AFF2: variants seen among roughly 807,000 people sequenced by gnomAD.
AFF2 encodes ALF transcription elongation factor 2, also known as AF4/FMR2 family member 2.
A neutral mutation model predicts 76.9 loss-of-function variants in AFF2; 14 were observed. That is an observed-to-expected ratio of 0.18 (90% CI 0.12 to 0.28). The LOEUF is 0.28. Among genes scored for constraint, AFF2 ranks in the 10% least tolerant of loss-of-function variants. The pLI, the probability that AFF2 is intolerant of heterozygous loss-of-function variation, is 1.00. For missense variants in AFF2, 868 were observed against 1,001.1 expected, an observed-to-expected ratio of 0.87 and a Z score of 1.79; for synonymous variants, 398 against 366.7, an observed-to-expected ratio of 1.09 and a Z score of -0.98.
intron 12 of AFF2, 97 bp from the exon 13 acceptor site, chrX:148,962,618 A>T (rs2072122290): frequency 1.4e-6 from 1 of 708,982 alleles, no homozygotes; most frequent in Non-Finnish European, 2.1e-6. Flanking sequence ...GACAGCAATT[A>T]AAATATGACT....
chrX:148,933,722 G>A (rs1372006980), intron 9 of AFF2, among the ~76,000 whole-genome samples: 6 of 112,060 alleles, frequency 5.4e-5, no homozygotes, highest in African/African-American at 1.9e-4. Context: ...TATTAGCTGA[G>A]TCATTTACTA....
chrX:148,715,741 A>G (rs1282259219), intron 3 of AFF2, among the ~76,000 whole-genome samples: 2 of 112,414 alleles, frequency 1.8e-5, no homozygotes, highest in Non-Finnish European at 1.9e-5. Context: ...AGTCAAGTTC[A>G]GATACACTTA....
intron 7 of AFF2, among the ~76,000 whole-genome samples, chrX:148,867,116 G>C (rs782411645): frequency 8.9e-6 from 1 of 112,379 alleles, no homozygotes; most frequent in Admixed American, 9.4e-5. Flanking sequence ...AGAACAAGTG[G>C]GATGGTGGGC....
At chrX:148,987,289 C>T in intron 19 of AFF2, 78 bp from the exon 20 acceptor site, 4 of 917,284 alleles carry the variant, frequency 4.4e-6, no homozygotes, top group South Asian at 2.3e-5. Context: ...GAGATCCCAG[C>T]GTGATGGGGA....
intron 4 of AFF2, among the ~76,000 whole-genome samples, chrX:148,818,169 T>C (rs782552450): frequency 8.9e-5 from 10 of 112,023 alleles, no homozygotes; most frequent in African/African-American, 2.9e-4. Flanking sequence ...ATGGTTACTA[T>C]TTGTACATTA....
intron 8 of AFF2, among the ~76,000 whole-genome samples, chrX:148,887,796 TC>T (rs1446339314): frequency 9.0e-6 from 1 of 111,490 alleles, no homozygotes; most frequent in Non-Finnish European, 1.9e-5. Context: ...GACAACTTAT[TC>T]CCTCTAGCTG....
chrX:148,709,323 G>A lies in AFF2; in HGVS notation c.1041+46555G>A, dbSNP rs782396106. ...TTTTAACTTGAATGGGAAAAGATAG[G>A]ATTAGAATGACTATTTTTAAGGATG... is the stretch of plus-strand genomic sequence containing the variant. On this transcript the variant is annotated intron_variant, in intron 3 of 20. Transcript: ENST00000370460. 2.0e-3 allele frequency among the ~76,000 whole-genome samples: 228 copies of A among 111,459 alleles called. 1 individual carries two copies. The highest frequency in any genetic ancestry group is 3.1e-3 in the Admixed American group (32 of 10,442).
chrX:148,961,330 G>A lies in AFF2; in HGVS notation c.2691-1385G>A, dbSNP rs148325696. Among the ~76,000 whole-genome samples the A allele has an allele frequency of 4.1e-3, 458 of 112,048 alleles. 2 individuals carry two copies. The highest frequency in any genetic ancestry group is 5.4e-3 in the Non-Finnish European group (285 of 53,248). On this transcript the variant is annotated intron_variant, in intron 12 of 20. Coordinates refer to ENST00000370460, the MANE Select transcript of AFF2 (RefSeq NM_002025.4). ...ACACTTAATGTGATCTGCTTGTTGTGGAGCTTCCTCATGGACAAGAATCTT... is the reference window on the plus strand; with the variant it reads ...ACACTTAATGTGATCTGCTTGTTGTAGAGCTTCCTCATGGACAAGAATCTT...
At chrX:148,725,234 G>A (rs1166498289) in intron 3 of AFF2, among the ~76,000 whole-genome samples, 1 of 110,797 alleles carries the variant, frequency 9.0e-6, no homozygotes, top group African/African-American at 3.3e-5. Flanking sequence ...GGGACCCTGT[G>A]AGCAGTGTCA....
At chrX:148,971,747 C>CTTTTTTTTTTTT (rs781928514) in intron 15 of AFF2, among the ~76,000 whole-genome samples, 3 of 44,728 alleles carry the variant, frequency 6.7e-5, no homozygotes, top group Non-Finnish European at 1.1e-4. Context: ...TTTTCTATTT[C>CTTTTTTTTTTTT]TTTTTTTTTT....
At chrX:148,765,113 T>G (rs2069497167) in intron 3 of AFF2, among the ~76,000 whole-genome samples, 1 of 112,032 alleles carries the variant, frequency 8.9e-6, no homozygotes, top group South Asian at 3.7e-4. Flanking sequence ...CAACAACTCC[T>G]GGGCCCGAGC....
At chrX:148,734,427 G>A (rs1192827880) in intron 3 of AFF2, among the ~76,000 whole-genome samples, 1 of 111,683 alleles carries the variant, frequency 9.0e-6, no homozygotes, top group East Asian at 2.8e-4. Context: ...CTGTGTTGCA[G>A]AGAGAACAGC....
At chrX:148,648,106 A>G (rs2054161311) in intron 1 of AFF2, among the ~76,000 whole-genome samples, 1 of 112,339 alleles carries the variant, frequency 8.9e-6, no homozygotes, top group South Asian at 3.7e-4. Context: ...AAGATGGAAG[A>G]AACAGATTCA....
chrX:148,542,293 G>T (rs2052867007), intron 1 of AFF2, among the ~76,000 whole-genome samples: 1 of 107,711 alleles, frequency 9.3e-6, no homozygotes, highest in Admixed American at 1.0e-4. Flanking sequence ...ACAAGCTTTG[G>T]CTCTACAGCC....
rs189039233 is a variant in AFF2 at position 148,610,298 on chromosome X, C to T, written c.48-41701C>T. ...TGTTTGTTGCTCACTTGGCAGTTAA[C>T]GGCCAATCCAGTAACAGAATGTGGG... On this transcript the variant is annotated intron_variant, in intron 1 of 20. Coordinates refer to ENST00000370460, the MANE Select transcript of AFF2 (RefSeq NM_002025.4). Among the ~76,000 whole-genome samples the T allele has an allele frequency of 6.1e-3, 681 of 111,169 alleles. 3 individuals are homozygous for T. Among genetic ancestry groups the T allele is most frequent in the African/African-American group, 0.021 (657 of 30,566 alleles).
At chrX:148,981,644 C>T (rs2124419118) in intron 19 of AFF2, among the ~76,000 whole-genome samples, 1 of 111,782 alleles carries the variant, frequency 8.9e-6, no homozygotes, top group East Asian at 2.8e-4. Context: ...AGCCCAAGCC[C>T]ACACCCCTCA....
At chrX:148,790,333 A>G (rs1332745405) in intron 3 of AFF2, among the ~76,000 whole-genome samples, 1 of 111,681 alleles carries the variant, frequency 9.0e-6, no homozygotes, top group Non-Finnish European at 1.9e-5. Flanking sequence ...CAATTCCATT[A>G]CTGGGTATAT....
intron 1 of AFF2, among the ~76,000 whole-genome samples, chrX:148,551,360 T>C (rs2052987827): frequency 9.2e-6 from 1 of 108,819 alleles, no homozygotes; most frequent in Admixed American, 9.9e-5. Flanking sequence ...ATTTCTTATA[T>C]GTTTAGGCAC....
intron 8 of AFF2, among the ~76,000 whole-genome samples, chrX:148,902,487 C>T (rs1317848575): frequency 8.9e-6 from 1 of 111,810 alleles, no homozygotes; most frequent in African/African-American, 3.3e-5. Flanking sequence ...AAAAAAAAGG[C>T]AGATGTGAGT....
Sources: gnomAD v4.1 joint callset for allele counts (sites outside exome capture counted in the v4.1 genomes callset) on GRCh38, gnomAD v4.1.1 for gene constraint, MANE v1.5 for transcripts, NCBI Gene and HGNC (gene_info 2026-07-23, HGNC 2026-07-21) for gene names.